FMR1NB: variants seen among roughly 807,000 people sequenced by gnomAD.
FMR1NB encodes FMR1 neighbor protein.
A neutral mutation model predicts 16.8 loss-of-function variants in FMR1NB; 10 were observed. That is an observed-to-expected ratio of 0.60 (90% CI 0.37 to 1.01). The LOEUF (loss-of-function observed/expected upper bound fraction) is 1.01. FMR1NB is among the 50% of genes least tolerant of loss of function. FMR1NB has a pLI of 0.01. For missense variants in FMR1NB, 205 were observed against 204.8 expected, an observed-to-expected ratio of 1.00 and a Z score of 0.00; for synonymous variants, 83 against 79.1, an observed-to-expected ratio of 1.05 and a Z score of -0.26.
chrX:148,010,733 G>A (rs1264570174), intron 4 of FMR1NB, among the ~76,000 whole-genome samples: 7 of 111,413 alleles, frequency 6.3e-5, no homozygotes, highest in African/African-American at 2.3e-4. Context: ...ATGACTATCT[G>A]CAGTAATGTG....
At chrX:148,004,190 T>A (rs1180353014) in intron 2 of FMR1NB, among the ~76,000 whole-genome samples, 1 of 111,742 alleles carries the variant, frequency 8.9e-6, no homozygotes, top group Non-Finnish European at 1.9e-5. Context: ...ATTGAGTAAA[T>A]AAAAAAGAAA....
chrX:148,008,213 G>C, intron 3 of FMR1NB: 2 of 128,832 alleles, frequency 1.6e-5, no homozygotes, highest in Non-Finnish European at 3.2e-5. Flanking sequence ...TGTGACCATA[G>C]ATTAAGAAGC....
intron 5 of FMR1NB, among the ~76,000 whole-genome samples, chrX:148,026,301 T>C (rs1666848892): frequency 9.0e-6 from 1 of 111,629 alleles, no homozygotes; most frequent in African/African-American, 3.2e-5. Context: ...TGTAATGATA[T>C]TTGCTCTAAT....
intron 4 of FMR1NB, among the ~76,000 whole-genome samples, chrX:148,014,775 C>A (rs1396724969): frequency 3.6e-5 from 4 of 110,353 alleles, no homozygotes; most frequent in African/African-American, 6.6e-5. Flanking sequence ...CTCCCGAGTA[C>A]CCAGGACCAC....
intron 4 of FMR1NB, among the ~76,000 whole-genome samples, chrX:148,010,769 T>G (rs2124623781): frequency 9.0e-6 from 1 of 110,786 alleles, no homozygotes; most frequent in South Asian, 3.8e-4. Context: ...GGAAGACCTT[T>G]TTTTGCTCTT....
intron 4 of FMR1NB, 65 bp from the exon 5 acceptor site, chrX:148,024,800 A>ACCCT: frequency 8.7e-7 from 1 of 1,147,499 alleles, no homozygotes; most frequent in Non-Finnish European, 1.2e-6. Flanking sequence ...TTTCCTTATA[A>ACCCT]CCCTCCCATT....
intron 1 of FMR1NB, among the ~76,000 whole-genome samples, chrX:147,993,497 C>G (rs1056543481): frequency 1.6e-4 from 18 of 111,297 alleles, no homozygotes; most frequent in Non-Finnish European, 1.3e-4. Context: ...CAATCAAGGT[C>G]CTTTCATTTC....
intron 2 of FMR1NB, among the ~76,000 whole-genome samples, chrX:148,006,360 G>T (rs1557189093): frequency 9.0e-6 from 1 of 111,306 alleles, no homozygotes; most frequent in African/African-American, 3.3e-5. Context: ...TTTTAACAAG[G>T]GATTAGTTTT....
intron 4 of FMR1NB, among the ~76,000 whole-genome samples, chrX:148,018,479 T>C (rs1013370766): frequency 1.8e-5 from 2 of 111,611 alleles, no homozygotes; most frequent in Non-Finnish European, 3.8e-5. Flanking sequence ...AACAGAGACA[T>C]AGATCAATGG....
At chrX:147,988,834 G>A (rs1014378103) in intron 1 of FMR1NB, among the ~76,000 whole-genome samples, 1 of 111,304 alleles carries the variant, frequency 9.0e-6, no homozygotes, top group African/African-American at 3.3e-5. Flanking sequence ...CGAAGTTCTC[G>A]TGCTGTGTTT....
intron 1 of FMR1NB, among the ~76,000 whole-genome samples, chrX:147,991,647 C>CTTTTTTTTTTTTTTTTTTTTTTT (rs782065632): frequency 1.1e-5 from 1 of 87,373 alleles, no homozygotes; most frequent in African/African-American, 4.9e-5. Context: ...GGCCTTCCTT[C>CTTTTTTTTTTTTTTTTTTTTTTT]TTTTTTTTTT....
intron 1 of FMR1NB, among the ~76,000 whole-genome samples, chrX:147,987,843 G>GT (rs782357405): frequency 0.012 from 1,226 of 105,076 alleles, 32 homozygotes; most frequent in Admixed American, 0.084. Flanking sequence ...ACTAGGATTG[G>GT]TTTTTTTTTT....
intron 1 of FMR1NB, among the ~76,000 whole-genome samples, chrX:147,986,507 G>C (rs1438419023): frequency 8.9e-6 from 1 of 112,005 alleles, no homozygotes; most frequent in Non-Finnish European, 1.9e-5. Flanking sequence ...TAAGGTGTAA[G>C]GAAGGGGTCC....
chrX:148,024,902 G>A lies in FMR1NB; in HGVS notation c.670G>A (p.Val224Ile). ...TGATTTACAAAGGCAGGACAACAGAGTTGTAACGGGTTTGAAGAAACAAAG... is the reference window on the plus strand; with the variant it reads ...TGATTTACAAAGGCAGGACAACAGAATTGTAACGGGTTTGAAGAAACAAAG... ...ADDLQRQDNR[V>I]VTGLKKQRRK... The change falls in exon 5 of 6, where the codon GTT becomes ATT. Residue 224 changes from valine (V) to isoleucine (I), a missense_variant. Coordinates refer to ENST00000370467, the MANE Select transcript of FMR1NB (RefSeq NM_152578.3). The A allele has an allele frequency of 1.7e-6, 2 of 1,211,134 alleles. No homozygotes were observed. The highest frequency in any genetic ancestry group is 3.5e-5 in the African/African-American group (2 of 57,736).
intron 1 of FMR1NB, among the ~76,000 whole-genome samples, chrX:148,001,157 G>A (rs959063101): frequency 9.0e-6 from 1 of 111,720 alleles, no homozygotes; most frequent in East Asian, 2.8e-4. Flanking sequence ...AAAGTGCAGG[G>A]CCTATCTGAA....
chrX:147,986,422 A>G (rs1270551776), intron 1 of FMR1NB, among the ~76,000 whole-genome samples: 1 of 112,056 alleles, frequency 8.9e-6, no homozygotes, highest in Non-Finnish European at 1.9e-5. Flanking sequence ...GGTATTGCCT[A>G]GATTTTCTTC....
chrX:148,012,067 G>T (rs1183993530), intron 4 of FMR1NB, among the ~76,000 whole-genome samples: 1 of 111,785 alleles, frequency 8.9e-6, no homozygotes, highest in East Asian at 2.8e-4. Context: ...GGGATCAGAA[G>T]CTTCATTAGG....
At chrX:148,024,756 G>A (rs1416108119) in intron 4 of FMR1NB, 109 bp from the exon 5 acceptor site, 1 of 921,465 alleles carries the variant, frequency 1.1e-6, no homozygotes, top group African/African-American at 2.0e-5. Flanking sequence ...AAAAATATCA[G>A]GTGGGAAAGT....
intron 4 of FMR1NB, among the ~76,000 whole-genome samples, chrX:148,018,780 T>G (rs1257882784): frequency 4.5e-5 from 5 of 111,556 alleles, no homozygotes; most frequent in African/African-American, 1.6e-4. Flanking sequence ...ACTTCATGTC[T>G]AAAACACCAA....
Sources: gnomAD v4.1 joint callset for allele counts (sites outside exome capture counted in the v4.1 genomes callset) on GRCh38, gnomAD v4.1.1 for gene constraint, MANE v1.5 for transcripts, NCBI Gene and HGNC (gene_info 2026-07-23, HGNC 2026-07-21) for gene names.